Variants in SH3RF2 observed in about 807,000 individuals in gnomAD.
The protein encoded by SH3RF2 is E3 ubiquitin-protein ligase SH3RF2.
A neutral mutation model predicts 59.0 loss-of-function variants in SH3RF2; 43 were observed. The ratio of observed to expected loss-of-function variants is 0.73; its 90% CI spans 0.57 to 0.94. The LOEUF is 0.94. SH3RF2 is among the 40% of genes least tolerant of loss of function. The probability of loss-of-function intolerance (pLI) is 0.00; values close to 1 mark genes in which losing one functional copy is unlikely to be tolerated. For missense variants in SH3RF2, 930 were observed against 940.1 expected (o/e 0.99, Z 0.14); for synonymous variants, 391 against 391.5 (o/e 1.00, Z 0.01).
At chr5:146,041,303 C>T (rs1006462805) in intron 5 of SH3RF2, among the ~76,000 whole-genome samples, 3 of 152,036 alleles carry the variant, frequency 2.0e-5, no homozygotes, top group Non-Finnish European at 2.9e-5. Context: ...TGATCTTCCC[C>T]GACCCCAACA....
chr5:145,939,937 G>A (rs1581369060), intron 2 of SH3RF2, among the ~76,000 whole-genome samples: 1 of 152,230 alleles, frequency 6.6e-6, no homozygotes, highest in East Asian at 1.9e-4. Context: ...TTTTTGTTGT[G>A]GTTTACATCT....
At chr5:145,958,528 A>C (rs867038316) in intron 2 of SH3RF2, among the ~76,000 whole-genome samples, 2 of 152,214 alleles carry the variant, frequency 1.3e-5, no homozygotes, top group Middle Eastern at 3.2e-3. Context: ...AGTTTATCAC[A>C]GGTTTTCTTT....
At chr5:146,062,144 G>A (rs539955393) in intron 9 of SH3RF2, among the ~76,000 whole-genome samples, 1 of 152,092 alleles carries the variant, frequency 6.6e-6, no homozygotes, top group Non-Finnish European at 1.5e-5. Context: ...TTTATAGGCG[G>A]CGGCCTACCC....
chr5:146,048,330 CA>C lies in SH3RF2; in HGVS notation c.1151+469del, dbSNP rs1421273261. ...ACCCTGTCTCAAAAAAAAAAAAAGA[CA>C]ACACAAATTAGCAAACCACATCACT... On this transcript the variant is annotated intron_variant, in intron 6 of 9. Coordinates refer to ENST00000359120, the MANE Select transcript of SH3RF2 (RefSeq NM_152550.4). 2.7e-5 allele frequency among the ~76,000 whole-genome samples: 4 copies of C among 148,152 alleles called. 1 individual carries two copies. The highest frequency in any genetic ancestry group is 6.0e-5 in the Non-Finnish European group (4 of 66,786).
intron 5 of SH3RF2, among the ~76,000 whole-genome samples, chr5:146,028,199 CACACACACACAG>C (rs1277768246): frequency 6.0e-5 from 6 of 100,792 alleles, no homozygotes; most frequent in Non-Finnish European, 1.3e-4. Flanking sequence ...CACACACACA[CACACACACACAG>C]AGATAATTCA....
At chr5:145,992,449 T>G (rs959454385) in intron 2 of SH3RF2, among the ~76,000 whole-genome samples, 1 of 152,198 alleles carries the variant, frequency 6.6e-6, no homozygotes, top group African/African-American at 2.4e-5. Flanking sequence ...TTTTCTAGCT[T>G]TGTGAACTTG....
intron 5 of SH3RF2, among the ~76,000 whole-genome samples, chr5:146,018,432 C>CT (rs1761186473): frequency 6.6e-6 from 1 of 151,840 alleles, no homozygotes; most frequent in Non-Finnish European, 1.5e-5. Context: ...TTATTTTATT[C>CT]TTTTTTATGG....
chr5:146,077,275 T>C (rs1245457781), intron 9 of SH3RF2, among the ~76,000 whole-genome samples: 2 of 152,116 alleles, frequency 1.3e-5, no homozygotes, highest in African/African-American at 4.8e-5. Context: ...AGGCAAGAGA[T>C]TGGCCAGGGA....
rs1455734159 is a variant in SH3RF2, at chr5:146,055,986, CCT to C, written c.1331_1332del (p.Ser444Ter). On this transcript the variant is annotated frameshift_variant, in exon 8 of 10. Coordinates refer to ENST00000359120, the MANE Select transcript of SH3RF2 (RefSeq NM_152550.4). LOFTEE classifies it high-confidence loss of function. ...AAAAAATTTTCCAAAACCAGAAAGA[CCT>C]CTAGTTTTCCAGACTCCCGGAGCCC... is the stretch of plus-strand genomic sequence containing the variant. 1.2e-6 allele frequency: 2 copies of C among 1,610,994 alleles called. No individual in the cohort carries two copies. Among genetic ancestry groups the C allele is most frequent in the East Asian group, 4.5e-5 (2 of 44,882 alleles).
At chr5:145,969,934 C>T (rs1046940890) in intron 2 of SH3RF2, among the ~76,000 whole-genome samples, 2 of 152,002 alleles carry the variant, frequency 1.3e-5, no homozygotes, top group Non-Finnish European at 2.9e-5. Context: ...TTTCCCTGGG[C>T]TCTGCATTAT....
chr5:145,968,797 A>G (rs1307977300), intron 2 of SH3RF2, among the ~76,000 whole-genome samples: 1 of 152,252 alleles, frequency 6.6e-6, no homozygotes, highest in East Asian at 1.9e-4. Flanking sequence ...CAATAGCCAC[A>G]TAGAACTAGT....
At chr5:146,062,356 T>C (rs1172786506) in intron 9 of SH3RF2, 70 bp from the exon 10 acceptor site, 204 of 1,545,596 alleles carry the variant, frequency 1.3e-4, no homozygotes, top group Non-Finnish European at 1.7e-4. Flanking sequence ...ACATTTCAAG[T>C]GGGGACAAGC....
chr5:146,056,200 C>A lies in SH3RF2; in HGVS notation c.1542C>A (p.Ser514Arg), dbSNP rs1205289304. ...AAGGGTCTCTTCGGAAAGGGCGGAG[C>A]AGCATGAGAAAGAGTAAGTGGTGGC... ...LGQGSLRKGR[S>R]SMRKNGSLQR... The change falls in exon 8 of 10, where the codon AGC (serine) becomes AGA (arginine). Residue 514 changes from serine (S) to arginine (R), a missense_variant. Coordinates refer to ENST00000359120, the MANE Select transcript of SH3RF2 (RefSeq NM_152550.4). 5.0e-6 allele frequency: 8 copies of A among 1,614,074 alleles called. No individual in the cohort carries two copies. In the African/African-American group the frequency reaches 9.3e-5, roughly 19 times the overall value.
chr5:146,014,051 G>A lies in SH3RF2; in HGVS notation c.1049G>A (p.Cys350Tyr), dbSNP rs756268962. 2.1e-5 allele frequency: 34 copies of A among 1,613,844 alleles called. 1 individual carries two copies. The South Asian group carries it at 2.7e-4, about 13-fold the overall frequency. ...GAGAAAGCAGACGTTCCTTCCAGCT[G>A]TGTGGGACAGGTAGGGAAGAAACGC... is the stretch of plus-strand genomic sequence containing the variant. Reference protein sequence around the residue: ...PMEKADVPSSCVGQVSTYHPA... With the variant: ...PMEKADVPSSYVGQVSTYHPA... The change falls in exon 5 of 10, where the codon TGT (cysteine) becomes TAT (tyrosine). Residue 350 changes from cysteine to tyrosine, a missense_variant. Physicochemically the swap from Cys to Tyr is radical, Grantham distance 194. Transcript: ENST00000359120.
At chr5:146,009,386 TTC>T (rs1004769958) in intron 4 of SH3RF2, among the ~76,000 whole-genome samples, 1 of 152,182 alleles carries the variant, frequency 6.6e-6, no homozygotes, top group African/African-American at 2.4e-5. Context: ...TGTTCCAGCC[TTC>T]TCTCTGTTTC....
chr5:145,998,074 T>A (rs897798335), intron 2 of SH3RF2: 5 of 570,624 alleles, frequency 8.8e-6, no homozygotes, highest in Admixed American at 3.3e-5. Context: ...CAAATAATGA[T>A]GAAAAAAATC....
intron 5 of SH3RF2, among the ~76,000 whole-genome samples, chr5:146,046,052 C>T (rs1195356151): frequency 6.6e-6 from 1 of 152,154 alleles, no homozygotes; most frequent in African/African-American, 2.4e-5. Flanking sequence ...CAATTACATA[C>T]ATGACCACAC....
At chr5:146,019,822 G>C (rs775743975) in intron 5 of SH3RF2, among the ~76,000 whole-genome samples, 39 of 151,738 alleles carry the variant, frequency 2.6e-4, no homozygotes, top group Non-Finnish European at 5.0e-4. Flanking sequence ...TCACCTCCTT[G>C]GTTAAGTATA....
chr5:145,981,861 T>C (rs536452406), intron 2 of SH3RF2, among the ~76,000 whole-genome samples: 1 of 152,204 alleles, frequency 6.6e-6, no homozygotes, highest in Non-Finnish European at 1.5e-5. Flanking sequence ...TGGCAGATAG[T>C]TTTATTGAGC....
Sources: allele counts gnomAD v4.1 joint callset (sites outside exome capture counted in the v4.1 genomes callset), GRCh38; gene constraint gnomAD v4.1.1; transcripts MANE v1.5; gene names NCBI Gene and HGNC (gene_info 2026-07-23, HGNC 2026-07-21).